CHL1: variants seen among roughly 807,000 people sequenced by gnomAD.
CHL1 encodes neural cell adhesion molecule L1-like protein.
CHL1 carries 96 observed loss-of-function variants against 141.9 expected under a neutral mutation model. The observed-to-expected ratio is 0.68, with a 90% confidence interval of 0.57 to 0.80. The LOEUF is 0.80. CHL1 is among the 30% of genes least tolerant of loss of function. CHL1 has a pLI of 0.00. For missense variants in CHL1, 1,820 were observed against 1,457.2 expected (o/e 1.25, Z -4.05); for synonymous variants, 613 against 502.2 (o/e 1.22, Z -2.95).
intron 1 of CHL1, among the ~76,000 whole-genome samples, chr3:228,478 TACACAC>T (rs4003420): frequency 2.1e-4 from 32 of 150,240 alleles, no homozygotes; most frequent in Non-Finnish European, 2.5e-4. Flanking sequence ...TAAATATGTG[TACACAC>T]ACACACACAC....
At position 347,673 on chromosome 3, in the gene CHL1, C is replaced by T. The variant is rs73817641; in HGVS notation, c.849-1686C>T. 2.8e-3 allele frequency among the ~76,000 whole-genome samples: 425 copies of T among 152,244 alleles called. 2 individuals are homozygous for T. Among genetic ancestry groups the T allele is most frequent in the African/African-American group, 9.6e-3 (399 of 41,526 alleles). ...TTAGGGGAAGTGAGTTCCAGAGCAG[C>T]CTATAACTTGGCAAATTGTCATTTT... On this transcript the variant is annotated intron_variant, in intron 9 of 27. Transcript: ENST00000256509.
intron 2 of CHL1, among the ~76,000 whole-genome samples, chr3:284,313 A>C (rs950611211): frequency 6.6e-6 from 1 of 152,198 alleles, no homozygotes; most frequent in African/African-American, 2.4e-5. Context: ...AAGATGTGAA[A>C]AATTTATTCA....
intron 1 of CHL1, among the ~76,000 whole-genome samples, chr3:230,884 G>C (rs141491866): frequency 6.6e-6 from 1 of 152,252 alleles, no homozygotes; most frequent in South Asian, 2.1e-4. Context: ...CCAGATCAGA[G>C]ATGATTTTTG....
intron 23 of CHL1, among the ~76,000 whole-genome samples, chr3:393,533 T>G (rs1300312283): frequency 6.6e-6 from 1 of 152,034 alleles, no homozygotes; most frequent in South Asian, 2.1e-4. Flanking sequence ...ATTGTAATGA[T>G]TATTGAACTG....
At chr3:314,695 C>G (rs1376916847) in intron 2 of CHL1, among the ~76,000 whole-genome samples, 1 of 151,836 alleles carries the variant, frequency 6.6e-6, no homozygotes, top group Non-Finnish European at 1.5e-5. Flanking sequence ...CTCTTATCTT[C>G]CAACAGGGTA....
intron 26 of CHL1, among the ~76,000 whole-genome samples, chr3:400,533 G>T (rs1021894801): frequency 3.4e-5 from 5 of 148,606 alleles, no homozygotes; most frequent in Non-Finnish European, 7.4e-5. Flanking sequence ...AATCTACTAG[G>T]TCTCTGCATG....
At chr3:370,694 T>A (rs1180390682) in intron 15 of CHL1, among the ~76,000 whole-genome samples, 2 of 152,196 alleles carry the variant, frequency 1.3e-5, no homozygotes, top group Admixed American at 6.5e-5. Flanking sequence ...TTAATTGTGA[T>A]GTTAGCATGT....
chr3:357,887 T>C (rs1703858606), intron 11 of CHL1, among the ~76,000 whole-genome samples: 1 of 152,212 alleles, frequency 6.6e-6, no homozygotes, highest in Non-Finnish European at 1.5e-5. Context: ...TGGCGTTAAC[T>C]CTGAAAGTCT....
At chr3:391,894 C>A in intron 23 of CHL1, 97 bp downstream of exon 23, 1 of 999,570 alleles carries the variant, frequency 1.0e-6, no homozygotes, top group South Asian at 1.8e-5. Context: ...TCACTTAAGG[C>A]CATGGTTTGT....
At chr3:381,409 G>T (rs541680306) in intron 16 of CHL1, among the ~76,000 whole-genome samples, 1 of 152,172 alleles carries the variant, frequency 6.6e-6, no homozygotes, top group Non-Finnish European at 1.5e-5. Context: ...TATCTGCAGG[G>T]CACCAAACAA....
intron 11 of CHL1, among the ~76,000 whole-genome samples, chr3:355,649 CG>C (rs2125232290): frequency 6.6e-6 from 1 of 152,284 alleles, no homozygotes; most frequent in East Asian, 1.9e-4. Flanking sequence ...TAACAGACCT[CG>C]GGTCCCGTCT....
At chr3:333,147 C>CTTTTTTTTTT (rs1559268147) in intron 5 of CHL1, among the ~76,000 whole-genome samples, 1 of 9,820 alleles carries the variant, frequency 1.0e-4, no homozygotes, top group African/African-American at 1.7e-4. Context: ...TTTTTTTTTG[C>CTTTTTTTTTT]TGCTGCTGCA....
intron 2 of CHL1, among the ~76,000 whole-genome samples, chr3:252,022 C>CAAATGAAAGT (rs1693731425): frequency 6.6e-6 from 1 of 151,936 alleles, no homozygotes; most frequent in Non-Finnish European, 1.5e-5. Flanking sequence ...TGATAATAAA[C>CAAATGAAAGT]CAACCATAAG....
chr3:295,434 A>C (rs1261529232), intron 2 of CHL1, among the ~76,000 whole-genome samples: 1 of 152,242 alleles, frequency 6.6e-6, no homozygotes, highest in Non-Finnish European at 1.5e-5. Context: ...GATAAGACTT[A>C]AATAAAAGTG....
chr3:339,432 A>C (rs1212106127), intron 5 of CHL1, among the ~76,000 whole-genome samples: 4 of 152,232 alleles, frequency 2.6e-5, no homozygotes, highest in Non-Finnish European at 2.9e-5. Flanking sequence ...TGTGATTCAA[A>C]GATGGTTGCT....
Position 408,281 on chromosome 3 carries a change from T to TA in CHL1, c.*2570_*2571insA, listed in dbSNP as rs1559373042. On this transcript the variant is annotated 3_prime_UTR_variant, in exon 28 of 28. Transcript: ENST00000256509. ...TTTACCCTAACTTTCTCTAGTCTAC[T>TA]GTCAATATCATTTTAATGTAATTGA... 2.0e-5 allele frequency: 3 copies of TA among 152,118 alleles called. No individual in the cohort carries two copies. In the East Asian group the frequency reaches 5.8e-4, roughly 29 times the overall value. 9.4% of individuals were successfully genotyped at this position (152,118 alleles called of 1,614,324 possible). A position where few individuals can be genotyped will look rare whatever the true frequency, so the allele number is the denominator to read the frequency against.
chr3:320,630 T>C lies in CHL1; in HGVS notation c.91+763T>C, dbSNP rs558986142. 3.3e-5 allele frequency among the ~76,000 whole-genome samples: 5 copies of C among 152,150 alleles called. No homozygotes were observed. The South Asian group carries it at 6.2e-4, about 19-fold the overall frequency. The stretch of plus-strand genomic sequence containing the variant: ...TGAGCCCAGGAGTTCAAGACTATAG[T>C]GTGCAATGATCACACCTGCGAATAG... On this transcript the variant is annotated intron_variant, in intron 3 of 27. Coordinates refer to ENST00000256509, the MANE Select transcript of CHL1 (RefSeq NM_006614.4).
chr3:355,386 G>C (rs1489336614), intron 11 of CHL1, among the ~76,000 whole-genome samples: 1 of 152,168 alleles, frequency 6.6e-6, no homozygotes, highest in Admixed American at 6.5e-5. Flanking sequence ...GGCTGGGCGG[G>C]GAAAGACAGG....
rs376838436 is a variant in CHL1 at position 295,935 on chromosome 3, CG to C, written c.-94-23746del. The stretch of plus-strand genomic sequence containing the variant: ...AAGTCTAAGTCTCTCATTTTGAATT[CG>C]GAAGAGAGAACCTTGGTGCCCCTTC... On this transcript the variant is annotated intron_variant, in intron 2 of 27. Coordinates refer to ENST00000256509, the MANE Select transcript of CHL1 (RefSeq NM_006614.4). Among the ~76,000 whole-genome samples the C allele has an allele frequency of 7.2e-5, 11 of 152,182 alleles. No homozygotes were observed. The East Asian group carries it at 2.1e-3, about 29-fold the overall frequency.
Sources: allele counts gnomAD v4.1 joint callset (sites outside exome capture counted in the v4.1 genomes callset), GRCh38; gene constraint gnomAD v4.1.1; transcripts MANE v1.5; gene names NCBI Gene and HGNC (gene_info 2026-07-23, HGNC 2026-07-21).